Variants in HS3ST5 observed in about 807,000 individuals in gnomAD.
HS3ST5 encodes heparan sulfate glucosamine 3-O-sulfotransferase 5.
A neutral mutation model predicts 25.4 loss-of-function variants in HS3ST5; 10 were observed. That is an observed-to-expected ratio of 0.39 (90% CI 0.24 to 0.67). The LOEUF (loss-of-function observed/expected upper bound fraction) is 0.67. Ranked by LOEUF, HS3ST5 falls within the 30% of genes least tolerant of loss-of-function variation. The pLI is 0.44. For missense variants in HS3ST5, 324 were observed against 420.7 expected (o/e 0.77, Z 2.01); for synonymous variants, 170 against 162.4 (o/e 1.05, Z -0.36).
At chr6:114,154,165 T>G (rs1778589235) in intron 3 of HS3ST5, among the ~76,000 whole-genome samples, 2 of 152,184 alleles carry the variant, frequency 1.3e-5, no homozygotes, top group South Asian at 4.1e-4. Flanking sequence ...TATTCAAGGT[T>G]ATGTCTGGAA....
intron 1 of HS3ST5, among the ~76,000 whole-genome samples, chr6:114,331,329 G>T (rs1406929648): frequency 1.3e-5 from 2 of 152,088 alleles, no homozygotes; most frequent in African/African-American, 2.4e-5. Flanking sequence ...AAAGTACAGA[G>T]AATTAATTTG....
intron 3 of HS3ST5, among the ~76,000 whole-genome samples, chr6:114,114,644 T>A (rs1776428233): frequency 1.3e-5 from 2 of 152,118 alleles, no homozygotes; most frequent in Admixed American, 6.6e-5. Context: ...ATTACACATA[T>A]GTTTTTATGA....
intron 2 of HS3ST5, among the ~76,000 whole-genome samples, chr6:114,205,662 A>G (rs1349122731): frequency 1.3e-5 from 2 of 152,094 alleles, no homozygotes; most frequent in Non-Finnish European, 2.9e-5. Context: ...GTAGTCCTCA[A>G]CCTTTTTGGC....
chr6:114,275,514 G>C (rs893584657), intron 1 of HS3ST5, among the ~76,000 whole-genome samples: 1 of 151,970 alleles, frequency 6.6e-6, no homozygotes, highest in Non-Finnish European at 1.5e-5. Flanking sequence ...TGTGCATCAG[G>C]GAGTACATGA....
chr6:114,069,088 C>A (rs970187396), intron 3 of HS3ST5, among the ~76,000 whole-genome samples: 1 of 152,146 alleles, frequency 6.6e-6, no homozygotes, highest in Non-Finnish European at 1.5e-5. Flanking sequence ...TGCTCAAAGG[C>A]TTGTAGACAT....
chr6:114,268,501 A>G (rs946529427), intron 1 of HS3ST5, among the ~76,000 whole-genome samples: 12 of 152,200 alleles, frequency 7.9e-5, no homozygotes, highest in Non-Finnish European at 4.4e-5. Flanking sequence ...ATCCTAACAC[A>G]GCAACAAGAA....
chr6:114,320,119 T>C (rs1775904435), intron 1 of HS3ST5, among the ~76,000 whole-genome samples: 1 of 152,146 alleles, frequency 6.6e-6, no homozygotes, highest in Non-Finnish European at 1.5e-5. Flanking sequence ...ATGAGTACTC[T>C]GTAGGTGACT....
chr6:114,327,245 T>TATCACTACCCAA (rs1776209630), intron 1 of HS3ST5, among the ~76,000 whole-genome samples: 2 of 152,212 alleles, frequency 1.3e-5, no homozygotes, highest in African/African-American at 4.8e-5. Context: ...AGTATTAAAC[T>TATCACTACCCAA]AGTGGGTTGG....
chr6:114,063,025 T>C (rs1006409462), intron 3 of HS3ST5, 148 bp from the exon 4 acceptor site: 24 of 560,838 alleles, frequency 4.3e-5, no homozygotes, highest in South Asian at 7.0e-5. Flanking sequence ...ATGTAACAGG[T>C]ACTTAGCAAA....
intron 1 of HS3ST5, among the ~76,000 whole-genome samples, chr6:114,259,537 A>T (rs1274350368): frequency 3.9e-5 from 6 of 152,202 alleles, no homozygotes; most frequent in African/African-American, 7.2e-5. Context: ...TTTTAAGCAA[A>T]CGAGAGGACA....
At chr6:114,290,507 A>T (rs1774526759) in intron 1 of HS3ST5, among the ~76,000 whole-genome samples, 1 of 152,146 alleles carries the variant, frequency 6.6e-6, no homozygotes, top group Non-Finnish European at 1.5e-5. Context: ...GTACTAACAG[A>T]GAAGATCACA....
chr6:114,316,488 A>G (rs1366443907), intron 1 of HS3ST5, among the ~76,000 whole-genome samples: 1 of 152,212 alleles, frequency 6.6e-6, no homozygotes, highest in East Asian at 1.9e-4. Flanking sequence ...ATGAGCACTG[A>G]AATCAAATTG....
chr6:114,158,438 G>A (rs912946204), intron 3 of HS3ST5, among the ~76,000 whole-genome samples: 3 of 152,064 alleles, frequency 2.0e-5, no homozygotes, highest in Admixed American at 6.6e-5. Context: ...TATTTATCAC[G>A]GGTAGACTTT....
chr6:114,174,497 T>A (rs1779625239), intron 2 of HS3ST5, among the ~76,000 whole-genome samples: 1 of 152,136 alleles, frequency 6.6e-6, no homozygotes, highest in African/African-American at 2.4e-5. Flanking sequence ...AATGAATCAT[T>A]TAAGTGAGAA....
chr6:114,173,444 T>C (rs2115007965), intron 2 of HS3ST5, among the ~76,000 whole-genome samples: 2 of 152,330 alleles, frequency 1.3e-5, no homozygotes, highest in Admixed American at 1.3e-4. Flanking sequence ...GATATAGAAC[T>C]AAGTGAATTA....
At position 114,085,083 on chromosome 6, in the gene HS3ST5, G is replaced by A. The variant is rs113223866; in HGVS notation, c.-32-22206C>T. Among the ~76,000 whole-genome samples the A allele has an allele frequency of 7.7e-3, 1,175 of 151,894 alleles. 18 individuals carry two copies. Among genetic ancestry groups the A allele is most frequent in the African/African-American group, 0.028 (1,142 of 41,448 alleles). On this transcript the variant is annotated intron_variant, in intron 3 of 4. Transcript: ENST00000312719. Reference sequence around the variant, plus strand: ...CTGACCTCGTGATTTGCCTGCCTCCGCCTCCCAAAGTGAGAAAATTTCTTT... The same window carrying A: ...CTGACCTCGTGATTTGCCTGCCTCCACCTCCCAAAGTGAGAAAATTTCTTT...
At chr6:114,078,247 T>G (rs1038203718) in intron 3 of HS3ST5, among the ~76,000 whole-genome samples, 2 of 152,072 alleles carry the variant, frequency 1.3e-5, no homozygotes, top group African/African-American at 4.8e-5. Context: ...TGCTCTGTCA[T>G]CCAGGCTGGA....
At chr6:114,158,357 A>G (rs149101220) in intron 3 of HS3ST5, among the ~76,000 whole-genome samples, 75 of 152,360 alleles carry the variant, frequency 4.9e-4, no homozygotes, top group Non-Finnish European at 1.0e-3. Flanking sequence ...TTAGTATCTT[A>G]GGCAGAGGTT....
chr6:114,160,918 C>A (rs1027594347), intron 3 of HS3ST5, among the ~76,000 whole-genome samples: 1 of 152,080 alleles, frequency 6.6e-6, no homozygotes, highest in African/African-American at 2.4e-5. Flanking sequence ...CAAAAGAAAC[C>A]ACTGGAATAA....
Sources: allele counts gnomAD v4.1 joint callset (sites outside exome capture counted in the v4.1 genomes callset), GRCh38; gene constraint gnomAD v4.1.1; transcripts MANE v1.5; gene names NCBI Gene and HGNC (gene_info 2026-07-23, HGNC 2026-07-21).